Variants in CDH18 observed in about 807,000 individuals in gnomAD.
CDH18 encodes cadherin 18.
Under a neutral mutation model 67.9 loss-of-function variants are expected in CDH18, and 31 were observed. The ratio of observed to expected loss-of-function variants is 0.46; its 90% CI spans 0.34 to 0.62. CDH18 has a LOEUF of 0.62. Among genes scored for constraint, CDH18 ranks in the 20% least tolerant of loss-of-function variants. The pLI, the probability that CDH18 is intolerant of heterozygous loss-of-function variation, is 0.01. For synonymous variants in CDH18, 362 were observed against 347.2 expected (o/e 1.04, Z -0.48); for missense variants, 890 against 975.5 (o/e 0.91, Z 1.17).
At chr5:19,576,505 C>T (rs1339531091) in intron 7 of CDH18, among the ~76,000 whole-genome samples, 1 of 152,098 alleles carries the variant, frequency 6.6e-6, no homozygotes, top group African/African-American at 2.4e-5. Flanking sequence ...CTCAATATCT[C>T]TAAATATCAG....
At chr5:19,994,855 T>TAGAGAGAGAGAGAGAGAGAGAGAGAGAG (rs1554078420) in intron 2 of CDH18, among the ~76,000 whole-genome samples, 4 of 67,586 alleles carry the variant, frequency 5.9e-5, no homozygotes, top group Admixed American at 1.7e-4. Context: ...TATATATATA[T>TAGAGAGAGAGAGAGAGAGAGAGAGAGAG]AGAGAGAGAG....
chr5:20,323,198 T>C (rs369154986), intron 1 of CDH18, among the ~76,000 whole-genome samples: 4 of 152,262 alleles, frequency 2.6e-5, no homozygotes, highest in African/African-American at 9.6e-5. Context: ...ATGTCTTAAA[T>C]CTTGTATTTG....
intron 1 of CDH18, among the ~76,000 whole-genome samples, chr5:20,267,596 C>T (rs1312536914): frequency 6.6e-6 from 1 of 151,960 alleles, no homozygotes; most frequent in Admixed American, 6.6e-5. Flanking sequence ...TTGTAGTTTT[C>T]CTTGCAGAGG....
At chr5:19,978,304 A>C (rs1798700759) in intron 2 of CDH18, among the ~76,000 whole-genome samples, 1 of 152,134 alleles carries the variant, frequency 6.6e-6, no homozygotes, top group South Asian at 2.1e-4. Flanking sequence ...AGCATCCTTC[A>C]GGAAACTAAC....
At chr5:20,479,864 A>C (rs567169866) in intron 1 of CDH18, among the ~76,000 whole-genome samples, 2 of 152,200 alleles carry the variant, frequency 1.3e-5, no homozygotes, top group Non-Finnish European at 1.5e-5. Flanking sequence ...GTCATGATAA[A>C]GAAAGTAACC....
chr5:19,979,215 A>AGTGTTT (rs1554075590), intron 2 of CDH18, among the ~76,000 whole-genome samples: 2 of 146,942 alleles, frequency 1.4e-5, no homozygotes, highest in African/African-American at 2.5e-5. Context: ...GTGGGGATGG[A>AGTGTTT]GTGTGTGTGT....
At chr5:20,154,168 T>A (rs1580360201) in intron 2 of CDH18, among the ~76,000 whole-genome samples, 1 of 152,156 alleles carries the variant, frequency 6.6e-6, no homozygotes, top group African/African-American at 2.4e-5. Context: ...TGACTATATC[T>A]CCTATCCAGA....
intron 3 of CDH18, among the ~76,000 whole-genome samples, chr5:19,832,185 A>G (rs567272492): frequency 3.9e-5 from 6 of 152,236 alleles, no homozygotes; most frequent in African/African-American, 1.2e-4. Context: ...GGGTTTGATC[A>G]CACCCCAAAC....
intron 1 of CDH18, among the ~76,000 whole-genome samples, chr5:20,471,731 G>T (rs1752090024): frequency 6.7e-6 from 1 of 149,460 alleles, no homozygotes; most frequent in South Asian, 2.1e-4. Flanking sequence ...GAACCCGGGA[G>T]GCGGAGGTTG....
chr5:20,137,917 C>A (rs973618512), intron 2 of CDH18, among the ~76,000 whole-genome samples: 1 of 152,114 alleles, frequency 6.6e-6, no homozygotes, highest in African/African-American at 2.4e-5. Flanking sequence ...CCTTCTGAAA[C>A]AACTCCAATC....
chr5:19,708,937 G>A (rs1390686952), intron 5 of CDH18, among the ~76,000 whole-genome samples: 1 of 151,996 alleles, frequency 6.6e-6, no homozygotes, highest in Admixed American at 6.6e-5. Context: ...TGACCGAGCT[G>A]GTCTCAGCAT....
intron 1 of CDH18, among the ~76,000 whole-genome samples, chr5:20,260,862 A>C (rs1744598240): frequency 6.6e-6 from 1 of 152,232 alleles, no homozygotes; most frequent in Non-Finnish European, 1.5e-5. Context: ...TAGTTCTACA[A>C]CTGCAAGGAA....
At chr5:19,737,333 T>C (rs950900723) in intron 4 of CDH18, among the ~76,000 whole-genome samples, 3 of 152,220 alleles carry the variant, frequency 2.0e-5, no homozygotes, top group African/African-American at 4.8e-5. Flanking sequence ...TTTTGTCTTC[T>C]GTCTATACCT....
chr5:20,229,689 T>C (rs1741912475), intron 2 of CDH18, among the ~76,000 whole-genome samples: 1 of 152,112 alleles, frequency 6.6e-6, no homozygotes, highest in Non-Finnish European at 1.5e-5. Flanking sequence ...AACATTTTGT[T>C]CTTCAATTCC....
chr5:19,787,412 A>G (rs1581353046), intron 3 of CDH18, among the ~76,000 whole-genome samples: 1 of 152,140 alleles, frequency 6.6e-6, no homozygotes, highest in Non-Finnish European at 1.5e-5. Flanking sequence ...AGACCACACC[A>G]TTGCAATCCA....
intron 2 of CDH18, among the ~76,000 whole-genome samples, chr5:20,092,359 T>C (rs1159175664): frequency 6.6e-6 from 1 of 152,028 alleles, no homozygotes; most frequent in African/African-American, 2.4e-5. Context: ...ACTAGAAAAA[T>C]AGACTAAATG....
chr5:19,733,889 C>T (rs1767945910), intron 4 of CDH18, among the ~76,000 whole-genome samples: 1 of 152,206 alleles, frequency 6.6e-6, no homozygotes, highest in South Asian at 2.1e-4. Flanking sequence ...CAGCCTCACA[C>T]AGAACTTGCT....
At chr5:20,053,151 T>G (rs1580130521) in intron 2 of CDH18, among the ~76,000 whole-genome samples, 1 of 151,992 alleles carries the variant, frequency 6.6e-6, no homozygotes, top group South Asian at 2.1e-4. Context: ...TATTTTTACA[T>G]TGTTAACACA....
At chr5:19,922,137 A>C (rs909165181) in intron 2 of CDH18, among the ~76,000 whole-genome samples, 1 of 152,222 alleles carries the variant, frequency 6.6e-6, no homozygotes. Flanking sequence ...GTCAAAATGA[A>C]TCTCAGTTTG....
Sources: gnomAD v4.1 joint callset for allele counts (sites outside exome capture counted in the v4.1 genomes callset) on GRCh38, gnomAD v4.1.1 for gene constraint, MANE v1.5 for transcripts, NCBI Gene and HGNC (gene_info 2026-07-23, HGNC 2026-07-21) for gene names.